Variants in IFNAR1 observed in about 807,000 individuals in gnomAD.
The protein encoded by IFNAR1 is interferon alpha/beta receptor 1.
In IFNAR1, 47 loss-of-function variants were observed where a neutral mutation model predicts 62.1. The observed-to-expected ratio is 0.76, with a 90% CI of 0.60 to 0.97. IFNAR1 has a LOEUF of 0.97. Among genes scored for constraint, IFNAR1 ranks in the 50% least tolerant of loss-of-function variants. The probability of loss-of-function intolerance (pLI) is 0.00; values close to 1 mark genes in which losing one functional copy is unlikely to be tolerated. For synonymous variants in IFNAR1, 219 were observed against 226.9 expected (o/e 0.97, Z 0.31); for missense variants, 638 against 654.5 (o/e 0.97, Z 0.27).
chr21:33,349,508 G>GA lies in IFNAR1; in HGVS notation c.1111dup (p.Ile371AsnfsTer11). ...GATCCAGGATTATCCACTGATTTAT[G>GA]AAATTATTTTTTGGGAAAACACTTC... On this transcript the variant is annotated frameshift_variant, in exon 8 of 11. Transcript: ENST00000270139. LOFTEE classifies it high-confidence loss of function. The GA allele has an allele frequency of 6.2e-7, 1 of 1,611,586 alleles. No homozygotes were observed. The highest frequency in any genetic ancestry group is 8.5e-7 in the Non-Finnish European group (1 of 1,178,410).
chr21:33,352,663 C>G (rs1394281915), intron 8 of IFNAR1, 95 bp from the exon 9 acceptor site: 1 of 628,552 alleles, frequency 1.6e-6, no homozygotes, highest in East Asian at 2.7e-5. Flanking sequence ...TGGGAGAGGC[C>G]AATGTTAGAC....
intron 1 of IFNAR1, among the ~76,000 whole-genome samples, chr21:33,332,421 G>A (rs2083189797): frequency 6.6e-6 from 1 of 152,156 alleles, no homozygotes; most frequent in Non-Finnish European, 1.5e-5. Context: ...TGTCTGTAAA[G>A]TTTGGAAGAG....
Position 33,338,993 on chromosome 21 carries a change from C to T in IFNAR1, c.201-2006C>T, listed in dbSNP as rs138505851. Among the ~76,000 whole-genome samples the T allele has an allele frequency of 3.1e-3, 471 of 152,154 alleles. 1 individual carries two copies. The highest frequency in any genetic ancestry group is 9.2e-3 in the African/African-American group (382 of 41,520). ...CTGATCTCAAGTGATCCACCCCCCT[C>T]GGCCTCCCAAAGTGCTGGGATTACA... On this transcript the variant is annotated intron_variant, in intron 2 of 10. Coordinates refer to ENST00000270139, the MANE Select transcript of IFNAR1 (RefSeq NM_000629.3).
upstream of IFNAR1, chr21:33,324,510 A>G (rs1049325130): frequency 2.5e-5 from 4 of 156,922 alleles, no homozygotes; most frequent in African/African-American, 9.6e-5. Flanking sequence ...CTCTAGGGTC[A>G]GCAAGCGCCC....
intron 1 of IFNAR1, among the ~76,000 whole-genome samples, chr21:33,330,768 C>G (rs1205970903): frequency 6.6e-6 from 1 of 152,122 alleles, no homozygotes; most frequent in East Asian, 1.9e-4. Context: ...TGCCAGGATT[C>G]CTAGGATCAT....
intron 5 of IFNAR1, among the ~76,000 whole-genome samples, chr21:33,344,765 C>CTTACTTATTTATTTATTTAT (rs1555875101): frequency 8.2e-6 from 1 of 122,026 alleles, no homozygotes; most frequent in Non-Finnish European, 1.9e-5. Flanking sequence ...TTCTTTTTTA[C>CTTACTTATTTATTTATTTAT]TTATTTATTT....
intron 8 of IFNAR1, among the ~76,000 whole-genome samples, chr21:33,350,102 G>A (rs893564859): frequency 1.3e-5 from 2 of 151,500 alleles, no homozygotes; most frequent in African/African-American, 2.4e-5. Flanking sequence ...TCAGGAATTT[G>A]CATTTTTAAC....
At chr21:33,331,336 C>T (rs1214685772) in intron 1 of IFNAR1, among the ~76,000 whole-genome samples, 1 of 152,154 alleles carries the variant, frequency 6.6e-6, no homozygotes, top group Non-Finnish European at 1.5e-5. Flanking sequence ...AGCAGTCACA[C>T]TCCCCGGGCC....
At chr21:33,324,944 G>A (rs1288025319), upstream of IFNAR1, 1 of 891,216 alleles carries the variant, frequency 1.1e-6, no homozygotes, top group African/African-American at 1.6e-5. Flanking sequence ...TGAGAGCTAA[G>A]AGGGGCAGCG....
In IFNAR1 at chr21:33,335,660, A is replaced by G. The variant is rs772868898; in HGVS notation, c.200+13A>G. The G allele has an allele frequency of 1.3e-6, 2 of 1,515,776 alleles. No individual in the cohort carries two copies. The highest frequency in any genetic ancestry group is 1.4e-5 in the African/African-American group (1 of 71,368). 93.9% of individuals were successfully genotyped at this position (1,515,776 alleles called of 1,614,324 possible). ...TCGATTATCAAAAGTATGTGACTCT[A>G]CTTACTGATTTGTCAGAATGACCTG... On this transcript the variant is annotated intron_variant, in intron 2 of 10. Transcript: ENST00000270139.
Position 33,356,729 on chromosome 21 carries a change from A to G in IFNAR1, c.*1180A>G, listed in dbSNP as rs571545452. 71 of 152,376 alleles carry G rather than the reference A, an allele frequency of 4.7e-4. No individual in the cohort carries two copies. The highest frequency in any genetic ancestry group is 1.7e-3 in the African/African-American group (69 of 41,590). 9.4% of individuals were successfully genotyped at this position (152,376 alleles called of 1,614,324 possible). A position where few individuals can be genotyped will look rare whatever the true frequency, so the allele number is the denominator to read the frequency against. On this transcript the variant is annotated 3_prime_UTR_variant, in exon 11 of 11. Transcript: ENST00000270139. ...ATGCCAGAAGATAGTGTATGCAAGA[A>G]GTCTTGGGACCAGAAAATGGCAATG...
intron 10 of IFNAR1, 105 bp downstream of exon 10, chr21:33,353,888 TAG>T: frequency 1.4e-6 from 1 of 728,720 alleles, no homozygotes; most frequent in Non-Finnish European, 2.2e-6. Context: ...CAGAAAATAA[TAG>T]AGACTGATTT....
In IFNAR1 at chr21:33,343,649, A is replaced by G; in HGVS notation, c.646A>G (p.Ser216Gly). ...LLTSWKIGVY[S>G]PVHCIKTTVE... ...TACGTCATGGAAAATTGGTGTCTAT[A>G]GTCCAGTACATTGTATAAAGACCAC... The change falls in exon 5 of 11, where the codon AGT (serine) becomes GGT (glycine). Residue 216 changes from serine (S) to glycine (G), a missense_variant. Ser to Gly is a moderately conservative substitution (Grantham distance 56, BLOSUM62 0). Transcript: ENST00000270139. 1 of 1,605,742 alleles carries G rather than the reference A, an allele frequency of 6.2e-7. No homozygotes were observed. Among genetic ancestry groups the G allele is most frequent in the Non-Finnish European group, 8.5e-7 (1 of 1,175,036 alleles).
At chr21:33,336,878 G>T (rs1241459089) in intron 2 of IFNAR1, among the ~76,000 whole-genome samples, 1 of 151,008 alleles carries the variant, frequency 6.6e-6, no homozygotes, top group Non-Finnish European at 1.5e-5. Flanking sequence ...AGCCTCTCGA[G>T]TAGCTGGGAT....
chr21:33,333,825 G>C (rs543510036), intron 1 of IFNAR1, among the ~76,000 whole-genome samples: 3 of 151,618 alleles, frequency 2.0e-5, no homozygotes. Context: ...GGGTTTCACC[G>C]TGTTAGCCAG....
rs1399928195 is a variant in IFNAR1, at chr21:33,358,835, C to G, written c.*3286C>G. ...CCTGGGTAACATGGCCAGACCCCAT[C>G]TCTATTTATATATATATATATAAAA... On this transcript the variant is annotated 3_prime_UTR_variant, in exon 11 of 11. Coordinates refer to ENST00000270139, the MANE Select transcript of IFNAR1 (RefSeq NM_000629.3). The G allele has an allele frequency of 6.7e-6, 1 of 148,956 alleles. No homozygotes were observed. The highest frequency in any genetic ancestry group is 2.6e-5 in the African/African-American group (1 of 38,446). The allele number at this position is 148,956 out of a possible 1,614,324, so 9.2% of individuals were successfully genotyped here. A position where few individuals can be genotyped will look rare whatever the true frequency, so the allele number is the denominator to read the frequency against.
At chr21:33,332,543 C>T (rs1295904072) in intron 1 of IFNAR1, among the ~76,000 whole-genome samples, 2 of 152,082 alleles carry the variant, frequency 1.3e-5, no homozygotes, top group Admixed American at 6.5e-5. Flanking sequence ...AGAAGATCAA[C>T]AAATTGCTGG....
intron 1 of IFNAR1, among the ~76,000 whole-genome samples, chr21:33,331,267 CT>C (rs1458120940): frequency 1.3e-5 from 2 of 152,188 alleles, no homozygotes; most frequent in African/African-American, 2.4e-5. Context: ...TCATGCACCC[CT>C]GTGCCTAAGC....
chr21:33,342,399 A>G (rs112191416), intron 3 of IFNAR1, among the ~76,000 whole-genome samples: 7,318 of 152,048 alleles, frequency 0.048, 601 homozygotes, highest in African/African-American at 0.16. Flanking sequence ...CAACAGAGCT[A>G]GACCATATCT....
Sources: allele counts gnomAD v4.1 joint callset (sites outside exome capture counted in the v4.1 genomes callset), GRCh38; gene constraint gnomAD v4.1.1; transcripts MANE v1.5; gene names NCBI Gene and HGNC (gene_info 2026-07-23, HGNC 2026-07-21).